BDP1: variants seen among roughly 807,000 people sequenced by gnomAD.
BDP1 encodes the protein BDP1 general transcription factor IIIB subunit, also known as transcription factor TFIIIB component B'' homolog.
In BDP1, 169 loss-of-function variants were observed where a neutral mutation model predicts 266.6. That is an observed-to-expected ratio of 0.63 (90% CI 0.56 to 0.72). The LOEUF is 0.72. Ranked by LOEUF, BDP1 falls within the 30% of genes least tolerant of loss-of-function variation. The probability of loss-of-function intolerance (pLI) is 0.00; values close to 1 mark genes in which losing one functional copy is unlikely to be tolerated. For synonymous variants in BDP1, 1,090 were observed against 1,022.4 expected (o/e 1.07, Z -1.26); for missense variants, 3,015 against 3,053.8 (o/e 0.99, Z 0.30).
At chr5:71,506,104 G>C (rs1296465495) in intron 16 of BDP1, among the ~76,000 whole-genome samples, 15 of 152,138 alleles carry the variant, frequency 9.9e-5, no homozygotes. Flanking sequence ...ATTACAGTTA[G>C]CTAACAAATT....
chr5:71,561,093 A>G (rs891438743), intron 37 of BDP1, among the ~76,000 whole-genome samples: 2 of 151,456 alleles, frequency 1.3e-5, no homozygotes, highest in Non-Finnish European at 2.9e-5. Context: ...ACATAGCCAG[A>G]CCCGTCTCTG....
intron 1 of BDP1, among the ~76,000 whole-genome samples, chr5:71,457,293 ACT>A (rs1415809530): frequency 1.6e-5 from 2 of 128,276 alleles, no homozygotes; most frequent in African/African-American, 5.8e-5. Context: ...GCCATTACTG[ACT>A]CTGGGAAAGT....
At chr5:71,541,402 G>C in intron 28 of BDP1, 52 bp from the exon 29 acceptor site, 1 of 702,056 alleles carries the variant, frequency 1.4e-6, no homozygotes, top group Non-Finnish European at 2.2e-6. Flanking sequence ...AATTTATTTT[G>C]AGCATCTATA....
chr5:71,495,114 G>A, intron 11 of BDP1, 136 bp from the exon 12 acceptor site: 2 of 456,210 alleles, frequency 4.4e-6, no homozygotes, highest in East Asian at 3.4e-5. Context: ...AGCTAATGTA[G>A]CAGTTTGTAT....
At chr5:71,525,703 C>T (rs1431766153) in intron 25 of BDP1, among the ~76,000 whole-genome samples, 7 of 148,034 alleles carry the variant, frequency 4.7e-5, no homozygotes, top group Admixed American at 6.7e-5. Flanking sequence ...CCCCACCTCC[C>T]TTCCGGACGG....
chr5:71,470,309 A>C (rs975658278), intron 6 of BDP1, 86 bp from the exon 7 acceptor site: 25 of 965,814 alleles, frequency 2.6e-5, no homozygotes, highest in Non-Finnish European at 3.6e-5. Flanking sequence ...AGTAAAATTA[A>C]GTACTGTCAA....
intron 7 of BDP1, among the ~76,000 whole-genome samples, chr5:71,474,328 A>AT (rs1324096723): frequency 0.024 from 3,110 of 127,358 alleles, 97 homozygotes; most frequent in African/African-American, 0.077. Flanking sequence ...ACAAATTTTG[A>AT]TTTTTTTTTT....
At position 71,488,928 on chromosome 5, in the gene BDP1, G is replaced by A. The variant is rs372695109; in HGVS notation, c.1214-476G>A. Among the ~76,000 whole-genome samples, 16 of 151,550 alleles carry A rather than the reference G, an allele frequency of 1.1e-4. 1 individual carries two copies. The highest frequency in any genetic ancestry group is 3.6e-4 in the African/African-American group (15 of 41,300). ...TCACCATGTTGGCCAGGCTGGTCTC[G>A]AACTGCTGACCTCAGATGATCCACC... On this transcript the variant is annotated intron_variant, in intron 9 of 38. Coordinates refer to ENST00000358731, the MANE Select transcript of BDP1 (RefSeq NM_018429.3).
intron 25 of BDP1, among the ~76,000 whole-genome samples, chr5:71,529,190 GA>G (rs1766084452): frequency 1.3e-5 from 2 of 152,114 alleles, no homozygotes; most frequent in Admixed American, 1.3e-4. Flanking sequence ...AGGAGTTCGA[GA>G]CCAGCCTGGC....
intron 25 of BDP1, among the ~76,000 whole-genome samples, chr5:71,529,730 A>C (rs1431461672): frequency 6.6e-6 from 1 of 152,216 alleles, no homozygotes; most frequent in Non-Finnish European, 1.5e-5. Flanking sequence ...AAAGGGATAT[A>C]AAGTGTTGAT....
chr5:71,513,453 T>A, intron 19 of BDP1, 46 bp downstream of exon 19: 1 of 1,247,504 alleles, frequency 8.0e-7, no homozygotes, highest in East Asian at 2.4e-5. Flanking sequence ...TTTTTTTTTT[T>A]TTTTAAGTTA....
intron 11 of BDP1, among the ~76,000 whole-genome samples, chr5:71,493,682 G>T (rs1040413365): frequency 3.3e-5 from 5 of 152,214 alleles, no homozygotes; most frequent in Non-Finnish European, 5.9e-5. Context: ...CAACTTTGCA[G>T]AGGGACTGTG....
intron 38 of BDP1, chr5:71,562,747 A>G (rs1743768199): frequency 3.5e-6 from 5 of 1,436,998 alleles, no homozygotes; most frequent in African/African-American, 1.4e-5. Flanking sequence ...CCATAAATGG[A>G]CACTTAATAG....
chr5:71,481,386 A>G (rs912495404), intron 7 of BDP1, among the ~76,000 whole-genome samples: 30 of 111,648 alleles, frequency 2.7e-4, no homozygotes, highest in Admixed American at 1.4e-3. Context: ...TCCCATCTCT[A>G]CAAAGAAAAA....
the BDP1 span, among the ~76,000 whole-genome samples, chr5:71,578,119 A>C: frequency 2.6e-5 from 4 of 152,130 alleles, no homozygotes; most frequent in African/African-American, 7.2e-5. Context: ...TCTAGAGCCT[A>C]TTGTTCGAGG....
At chr5:71,527,643 T>C (rs1171986352) in intron 25 of BDP1, among the ~76,000 whole-genome samples, 3 of 152,166 alleles carry the variant, frequency 2.0e-5, no homozygotes, top group Admixed American at 6.5e-5. Context: ...GTGTGTATCA[T>C]GTTTTGTTTA....
intron 21 of BDP1, 100 bp downstream of exon 21, chr5:71,516,371 T>C (rs918228419): frequency 7.5e-5 from 64 of 851,148 alleles, no homozygotes; most frequent in East Asian, 5.1e-4. Flanking sequence ...CTGACACTTA[T>C]TCTACTCAAT....
In BDP1 at chr5:71,502,780, G is replaced by A. The variant is rs1764330141; in HGVS notation, c.2230G>A (p.Ala744Thr). The A allele has an allele frequency of 2.5e-6, 4 of 1,612,974 alleles. No individual in the cohort carries two copies. Among genetic ancestry groups the A allele is most frequent in the Non-Finnish European group, 3.4e-6 (4 of 1,179,638 alleles). Residue 744 changes from alanine (A) to threonine (T), a missense_variant, in exon 15 of 39, where the codon GCT (alanine) becomes ACT (threonine). Coordinates refer to ENST00000358731, the MANE Select transcript of BDP1 (RefSeq NM_018429.3). ...NVEKNENESC[A>T]DRDTPQHMED... Reference sequence around the variant, plus strand: ...AGAGAAGAATGAAAATGAATCCTGTGCTGATAGAGATGTAAGTACTCTGAT... The same window carrying A: ...AGAGAAGAATGAAAATGAATCCTGTACTGATAGAGATGTAAGTACTCTGAT...
intron 34 of BDP1, among the ~76,000 whole-genome samples, chr5:71,550,578 A>G (rs1021996654): frequency 1.3e-5 from 2 of 152,134 alleles, no homozygotes; most frequent in Non-Finnish European, 2.9e-5. Flanking sequence ...CTGAGATTAC[A>G]GGCATGAGCC....
Sources: allele counts gnomAD v4.1 joint callset (sites outside exome capture counted in the v4.1 genomes callset), GRCh38; gene constraint gnomAD v4.1.1; transcripts MANE v1.5; gene names NCBI Gene and HGNC (gene_info 2026-07-23, HGNC 2026-07-21).